CACNB4: variants seen among roughly 807,000 people sequenced by gnomAD.
CACNB4 encodes the protein calcium voltage-gated channel auxiliary subunit beta 4.
A neutral mutation model predicts 71.2 loss-of-function variants in CACNB4; 32 were observed. The ratio of observed to expected loss-of-function variants is 0.45; its 90% confidence interval spans 0.34 to 0.60. The LOEUF (loss-of-function observed/expected upper bound fraction) is 0.60, where lower values mean the gene tolerates loss of function less well. Among genes scored for constraint, CACNB4 ranks in the 20% least tolerant of loss-of-function variants. CACNB4 has a pLI of 0.01. For missense variants in CACNB4, 464 were observed against 647.9 expected (o/e 0.72, Z 3.08); for synonymous variants, 231 against 236.9 (o/e 0.97, Z 0.23).
rs905552896 is a variant in CACNB4 at position 152,098,438 on chromosome 2, A to G, written c.64-25T>C. 3 of 1,599,132 alleles carry G rather than the reference A, an allele frequency of 1.9e-6. No individual in the cohort carries two copies. In the African/African-American group the frequency reaches 4.0e-5, roughly 21 times the overall value. Reference sequence around the variant, plus strand: ...CCTGGACTCGACACACGGGGGCCAGAGAGAAGCCGGTGAGGACCGCAGCGC... The same window carrying G: ...CCTGGACTCGACACACGGGGGCCAGGGAGAAGCCGGTGAGGACCGCAGCGC... On this transcript the variant is annotated intron_variant, in intron 1 of 13. Coordinates refer to ENST00000539935, the MANE Select transcript of CACNB4 (RefSeq NM_000726.5). This position sits in a 1 kb window ranked among gnomAD's most constrained non-coding sequence, Gnocchi z 5.3.
At chr2:152,083,606 G>A (rs563114569) in intron 2 of CACNB4, among the ~76,000 whole-genome samples, 3 of 152,276 alleles carry the variant, frequency 2.0e-5, no homozygotes, top group East Asian at 3.9e-4. Flanking sequence ...ATGAAGCCAC[G>A]AACTTTGGAA....
At chr2:151,858,935 G>T (rs112002124) in intron 10 of CACNB4, 11 of 152,210 alleles carry the variant, frequency 7.2e-5, no homozygotes, top group African/African-American at 2.6e-4. Context: ...ACTGTCACAG[G>T]TATTCTAACC....
chr2:152,097,445 C>T (rs1328704328), intron 2 of CACNB4, among the ~76,000 whole-genome samples: 2 of 152,114 alleles, frequency 1.3e-5, no homozygotes, highest in African/African-American at 4.8e-5. Flanking sequence ...CTAGGTCACC[C>T]GAAACCTAGG....
chr2:151,855,151 C>CA (rs1029499921), intron 11 of CACNB4, 73 bp downstream of exon 11: 40 of 1,106,494 alleles, frequency 3.6e-5, no homozygotes, highest in Middle Eastern at 5.2e-4. Flanking sequence ...TGTCCACTAA[C>CA]AAAAAACCAC....
intron 2 of CACNB4, among the ~76,000 whole-genome samples, chr2:152,056,669 T>C (rs1685747150): frequency 6.6e-6 from 1 of 152,198 alleles, no homozygotes; most frequent in Non-Finnish European, 1.5e-5. Flanking sequence ...ATTATTATTA[T>C]AACCCAGATG....
intron 2 of CACNB4, among the ~76,000 whole-genome samples, chr2:152,069,907 A>T (rs1686582658): frequency 7.4e-6 from 1 of 135,958 alleles, no homozygotes; most frequent in African/African-American, 2.9e-5. Flanking sequence ...CAGTGGCACG[A>T]TCTCGGCTCA....
intron 6 of CACNB4, 100 bp downstream of exon 6, chr2:151,872,317 C>T: frequency 1.4e-6 from 1 of 699,004 alleles, no homozygotes; most frequent in Non-Finnish European, 2.5e-6. Flanking sequence ...TAAATTAAGC[C>T]TTCAAATTGT....
chr2:151,847,946 TG>T (rs1418405489), intron 12 of CACNB4, among the ~76,000 whole-genome samples: 3 of 152,216 alleles, frequency 2.0e-5, no homozygotes, highest in African/African-American at 7.2e-5. Flanking sequence ...TCATAATTCT[TG>T]CCAGTAATTG....
intron 2 of CACNB4, among the ~76,000 whole-genome samples, chr2:151,920,651 C>T (rs2099858760): frequency 6.6e-6 from 1 of 152,062 alleles, no homozygotes; most frequent in South Asian, 2.1e-4. Flanking sequence ...TTGTAGTAAC[C>T]TCAGCATGTA....
At chr2:151,848,455 A>G (rs899642258) in intron 12 of CACNB4, among the ~76,000 whole-genome samples, 6 of 152,218 alleles carry the variant, frequency 3.9e-5, no homozygotes, top group African/African-American at 1.4e-4. Flanking sequence ...TAAATAATTC[A>G]AATAAAATGA....
intron 11 of CACNB4, chr2:151,854,956 T>C (rs2151357541): frequency 3.5e-6 from 1 of 285,314 alleles, no homozygotes; most frequent in East Asian, 5.9e-5. Context: ...AGTCTACTTT[T>C]CCACATCTGT....
chr2:152,042,760 C>T (rs2881188), intron 2 of CACNB4, among the ~76,000 whole-genome samples: 64,888 of 151,808 alleles, frequency 0.43, 16,104 homozygotes, highest in Non-Finnish European at 0.57. Flanking sequence ...ATAGGAGCTG[C>T]GTAAAATAAG....
intron 2 of CACNB4, among the ~76,000 whole-genome samples, chr2:152,035,968 T>C (rs1030037996): frequency 2.0e-5 from 3 of 152,148 alleles, no homozygotes; most frequent in Non-Finnish European, 4.4e-5. Context: ...ATGTGGCGTA[T>C]GCAGACAATA....
intron 2 of CACNB4, among the ~76,000 whole-genome samples, chr2:152,028,299 CA>C (rs1261867916): frequency 2.0e-5 from 3 of 152,164 alleles, no homozygotes; most frequent in Non-Finnish European, 2.9e-5. Flanking sequence ...AGCTGCACTA[CA>C]AAATTTAAAT....
intron 2 of CACNB4, among the ~76,000 whole-genome samples, chr2:151,966,278 TTTTA>T (rs1033151412): frequency 6.0e-5 from 9 of 149,454 alleles, no homozygotes; most frequent in South Asian, 2.1e-4. Flanking sequence ...TTTCTTTTTC[TTTTA>T]TTTATTTATT....
chr2:151,877,769 G>C (rs564309639), intron 4 of CACNB4, among the ~76,000 whole-genome samples: 9 of 152,184 alleles, frequency 5.9e-5, no homozygotes. Flanking sequence ...AAGCCCAAGA[G>C]GAACTCCAGA....
chr2:151,955,920 A>T (rs1252615551), intron 2 of CACNB4, among the ~76,000 whole-genome samples: 2 of 142,568 alleles, frequency 1.4e-5, no homozygotes, highest in African/African-American at 5.2e-5. Flanking sequence ...AAAAATAGAA[A>T]AAAAAAAAAA....
chr2:151,897,238 G>A (rs2099852312), intron 2 of CACNB4, among the ~76,000 whole-genome samples: 1 of 152,210 alleles, frequency 6.6e-6, no homozygotes, highest in South Asian at 2.1e-4. Context: ...TGCATTTCAA[G>A]CAAGAACATC....
chr2:151,866,496 A>C (rs2099843147), intron 9 of CACNB4: 1 of 152,150 alleles, frequency 6.6e-6, no homozygotes, highest in Non-Finnish European at 1.5e-5. Context: ...ATTAAAGACT[A>C]TTTGTTTTTT....
Sources: allele counts gnomAD v4.1 joint callset (sites outside exome capture counted in the v4.1 genomes callset), GRCh38; gene constraint gnomAD v4.1.1; non-coding constraint Gnocchi (gnomAD v3.1); transcripts MANE v1.5; gene names NCBI Gene and HGNC (gene_info 2026-07-23, HGNC 2026-07-21).